The following ACO2 variants were observed in gnomAD, a reference collection of about 807,000 sequenced individuals.
The protein encoded by ACO2 is aconitate hydratase, mitochondrial.
ACO2 carries 31 observed loss-of-function variants against 84.5 expected under a neutral mutation model. The ratio of observed to expected loss-of-function variants is 0.37; its 90% CI spans 0.28 to 0.50. The LOEUF is 0.50. Ranked by LOEUF, ACO2 falls within the 20% of genes least tolerant of loss-of-function variation. The probability of loss-of-function intolerance (pLI) is 0.97; values close to 1 mark genes in which losing one functional copy is unlikely to be tolerated. For synonymous variants in ACO2, 414 were observed against 412.7 expected (o/e 1.00, Z -0.04); for missense variants, 685 against 1,029.3 (o/e 0.67, Z 4.58).
intron 8 of ACO2, among the ~76,000 whole-genome samples, chr22:41,518,855 A>G (rs772547496): frequency 2.6e-5 from 4 of 152,190 alleles, no homozygotes; most frequent in African/African-American, 4.8e-5. Context: ...CTGAGGCAAG[A>G]TAATCGCTTG....
intron 10 of ACO2, 27 bp from the exon 11 acceptor site, chr22:41,523,178 C>T (rs116964552): frequency 1.2e-6 from 2 of 1,600,698 alleles, no homozygotes; most frequent in East Asian, 2.2e-5. Flanking sequence ...CCACCCTTGA[C>T]ATTCTGTCTT....
At chr22:41,503,393 C>T (rs935188189) in intron 2 of ACO2, among the ~76,000 whole-genome samples, 5 of 151,844 alleles carry the variant, frequency 3.3e-5, no homozygotes, top group Non-Finnish European at 5.9e-5. Flanking sequence ...TACAGTGGAA[C>T]GATCTCGGCT....
At chr22:41,495,757 G>A (rs2066308743) in intron 1 of ACO2, among the ~76,000 whole-genome samples, 2 of 151,236 alleles carry the variant, frequency 1.3e-5, no homozygotes, top group African/African-American at 4.9e-5. Flanking sequence ...AGTAGCTGGG[G>A]CTACAGGCGC....
chr22:41,524,631 C>T (rs1212377556), intron 12 of ACO2, among the ~76,000 whole-genome samples: 1 of 152,218 alleles, frequency 6.6e-6, no homozygotes, highest in Non-Finnish European at 1.5e-5. Context: ...TGGGAGAGGC[C>T]GCACTGCCCT....
intron 1 of ACO2, among the ~76,000 whole-genome samples, chr22:41,488,763 C>G (rs945216599): frequency 6.6e-6 from 1 of 152,156 alleles, no homozygotes; most frequent in African/African-American, 2.4e-5. Flanking sequence ...GCTGTGCTTT[C>G]CTCCAGGCCT....
intron 15 of ACO2, chr22:41,527,008 CCA>C (rs1460512648): frequency 1.9e-6 from 1 of 522,174 alleles, no homozygotes; most frequent in East Asian, 3.4e-5. Context: ...CAACCTCCCT[CCA>C]CACACACCTG....
chr22:41,520,901 A>G (rs1361749513), intron 9 of ACO2, among the ~76,000 whole-genome samples: 1 of 151,470 alleles, frequency 6.6e-6, no homozygotes, highest in Non-Finnish European at 1.5e-5. Flanking sequence ...CTAGCTACTC[A>G]GGAGGCTAAG....
At chr22:41,491,304 G>A (rs969542557) in intron 1 of ACO2, among the ~76,000 whole-genome samples, 2 of 152,198 alleles carry the variant, frequency 1.3e-5, no homozygotes, top group African/African-American at 2.4e-5. Flanking sequence ...CCCACTGCCA[G>A]GGGCCCATGA....
rs2066548288 is a variant in ACO2, at chr22:41,523,811, G to C, written c.1371-19G>C. The C allele has an allele frequency of 6.2e-7, 1 of 1,603,944 alleles. No homozygotes were observed. The highest frequency in any genetic ancestry group is 8.5e-7 in the Non-Finnish European group (1 of 1,172,754). On this transcript the variant is annotated intron_variant, in intron 11 of 17. Transcript: ENST00000216254. Reference sequence around the variant, plus strand: ...GACAAGGCCAGATATCCCTAACCCTGATCCCTCTGACCTGGCAGGAAGGAC... The same window carrying C: ...GACAAGGCCAGATATCCCTAACCCTCATCCCTCTGACCTGGCAGGAAGGAC...
At chr22:41,496,218 G>A (rs908589352) in intron 1 of ACO2, among the ~76,000 whole-genome samples, 2 of 152,144 alleles carry the variant, frequency 1.3e-5, no homozygotes, top group African/African-American at 2.4e-5. Flanking sequence ...GGGGGACTGA[G>A]GCAGGAGAAT....
At chr22:41,486,749 C>T (rs1174264687) in intron 1 of ACO2, among the ~76,000 whole-genome samples, 1 of 152,128 alleles carries the variant, frequency 6.6e-6, no homozygotes, top group Non-Finnish European at 1.5e-5. Context: ...GGATTACAGG[C>T]GTGAGCCATT....
chr22:41,480,505 G>A (rs1015603411), intron 1 of ACO2, among the ~76,000 whole-genome samples: 2 of 152,106 alleles, frequency 1.3e-5, no homozygotes, highest in Non-Finnish European at 2.9e-5. Flanking sequence ...GGAGAAGTAG[G>A]CGGCATAGTG....
chr22:41,510,585 C>T (rs538528391), intron 3 of ACO2, among the ~76,000 whole-genome samples: 5 of 152,170 alleles, frequency 3.3e-5, no homozygotes, highest in African/African-American at 1.2e-4. Context: ...TCTGAAGCAT[C>T]GCTCTCCCAT....
intron 1 of ACO2, among the ~76,000 whole-genome samples, chr22:41,473,075 C>T (rs1275847660): frequency 3.9e-5 from 6 of 152,206 alleles, no homozygotes; most frequent in Non-Finnish European, 5.9e-5. Flanking sequence ...TCGCAGATAT[C>T]AGTTGTTATT....
intron 3 of ACO2, among the ~76,000 whole-genome samples, chr22:41,509,760 C>T (rs1303804434): frequency 1.3e-5 from 2 of 150,138 alleles, no homozygotes; most frequent in South Asian, 2.1e-4. Context: ...TGTGGGAACG[C>T]TATGGTCACC....
At chr22:41,494,373 A>G (rs1036594346) in intron 1 of ACO2, among the ~76,000 whole-genome samples, 4 of 151,322 alleles carry the variant, frequency 2.6e-5, no homozygotes, top group African/African-American at 9.7e-5. Context: ...TATTAGAGAC[A>G]TCATAGTCTT....
chr22:41,495,053 G>C (rs950586982), intron 1 of ACO2, among the ~76,000 whole-genome samples: 2 of 151,760 alleles, frequency 1.3e-5, no homozygotes, highest in African/African-American at 4.8e-5. Context: ...TTGAGGCAAG[G>C]TCTTGCTCTG....
intron 2 of ACO2, among the ~76,000 whole-genome samples, chr22:41,505,322 T>C (rs2066384890): frequency 6.6e-6 from 1 of 151,872 alleles, no homozygotes; most frequent in Non-Finnish European, 1.5e-5. Flanking sequence ...GAGGCTGAGG[T>C]GGGAGGATCG....
chr22:41,523,967 C>A, intron 12 of ACO2, 26 bp downstream of exon 12: 1 of 1,600,846 alleles, frequency 6.2e-7, no homozygotes, highest in Non-Finnish European at 8.6e-7. Flanking sequence ...TGCGCACAAG[C>A]CTGGGATGGC....
Sources: gnomAD v4.1 joint callset for allele counts (sites outside exome capture counted in the v4.1 genomes callset) on GRCh38, gnomAD v4.1.1 for gene constraint, MANE v1.5 for transcripts, NCBI Gene and HGNC (gene_info 2026-07-23, HGNC 2026-07-21) for gene names.